The following IQANK1 variants were observed in gnomAD, a reference collection of about 807,000 sequenced individuals.
IQANK1 encodes the protein IQ motif and ankyrin repeat domain-containing protein 1.
IQANK1 carries 30 observed loss-of-function variants against 22.6 expected under a neutral mutation model. The ratio of observed to expected loss-of-function variants is 1.33; its 90% CI spans 0.99 to 1.80. The LOEUF is 1.80. Ranked by LOEUF, IQANK1 falls within the 40% of genes most tolerant of loss-of-function variation. The pLI, the probability that IQANK1 is intolerant of heterozygous loss-of-function variation, is 0.00. For missense variants in IQANK1, 275 were observed against 235.2 expected, an observed-to-expected ratio of 1.17 and a Z score of -1.11; for synonymous variants, 122 against 99.6, an observed-to-expected ratio of 1.23 and a Z score of -1.34.
intron 9 of IQANK1, 79 bp from the exon 10 acceptor site, chr8:143,789,357 C>A: frequency 1.3e-6 from 1 of 754,940 alleles, no homozygotes; most frequent in Non-Finnish European, 1.8e-6. Flanking sequence ...GGGAGGTGTC[C>A]TCAGGCCCCT....
chr8:143,751,088 G>A (rs1159321022), intron 3 of IQANK1, among the ~76,000 whole-genome samples: 1 of 151,898 alleles, frequency 6.6e-6, no homozygotes, highest in Non-Finnish European at 1.5e-5. Context: ...TCTCCAATTT[G>A]AATTTATACC....
intron 2 of IQANK1, among the ~76,000 whole-genome samples, chr8:143,736,257 A>C (rs1457346127): frequency 4.6e-5 from 7 of 151,276 alleles, no homozygotes; most frequent in Non-Finnish European, 8.8e-5. Flanking sequence ...CTTGTGCTTC[A>C]GCCTCCCGAG....
At chr8:143,779,218 CTTAT>C (rs1819748460) in intron 7 of IQANK1, among the ~76,000 whole-genome samples, 1 of 152,196 alleles carries the variant, frequency 6.6e-6, no homozygotes, top group Non-Finnish European at 1.5e-5. Context: ...TAATTATTCA[CTTAT>C]TTTTTATCTA....
chr8:143,763,510 C>T (rs1185073436), intron 3 of IQANK1, among the ~76,000 whole-genome samples: 2 of 152,040 alleles, frequency 1.3e-5, no homozygotes, highest in Non-Finnish European at 2.9e-5. Flanking sequence ...ATCATGGGGG[C>T]GGGTCTCTCA....
At chr8:143,778,075 G>A (rs1554630621) in intron 7 of IQANK1, among the ~76,000 whole-genome samples, 1 of 152,060 alleles carries the variant, frequency 6.6e-6, no homozygotes, top group African/African-American at 2.4e-5. Context: ...GGCGCCTGTA[G>A]TCCCAGCTAC....
chr8:143,734,426 C>T (rs1818665445), intron 1 of IQANK1, among the ~76,000 whole-genome samples: 2 of 150,466 alleles, frequency 1.3e-5, no homozygotes, highest in Admixed American at 1.3e-4. Context: ...CCCCATCTTT[C>T]TCCCTCACCC....
rs573229039 is a variant in IQANK1, at chr8:143,789,382, C to T, written c.994-54C>T. On this transcript the variant is annotated intron_variant, in intron 9 of 13. Coordinates refer to ENST00000527139, the MANE Select transcript of IQANK1 (RefSeq NM_001381874.1). ...CTCAGGCCCCTGGGCCAGGAGTGAC[C>T]TGGTCGGAGGATACTGGCCAGCCTT... The T allele has an allele frequency of 3.9e-6, 4 of 1,014,018 alleles. No individual in the cohort carries two copies. The African/African-American group carries it at 6.6e-5, about 17-fold the overall frequency. The allele number at this position is 1,014,018 out of a possible 1,614,324, so 62.8% of individuals were successfully genotyped here.
chr8:143,772,882 G>T (rs1450933996), intron 7 of IQANK1, among the ~76,000 whole-genome samples: 3 of 152,192 alleles, frequency 2.0e-5, no homozygotes, highest in Admixed American at 2.0e-4. Flanking sequence ...AGCTCACGGC[G>T]CTGGGGGCAG....
intron 3 of IQANK1, among the ~76,000 whole-genome samples, chr8:143,768,230 T>C (rs782673697): frequency 6.6e-6 from 1 of 151,938 alleles, no homozygotes; most frequent in African/African-American, 2.4e-5. Flanking sequence ...AGAAATGATG[T>C]TGTGTTTTTG....
At chr8:143,788,059 G>A (rs1458200599) in intron 7 of IQANK1, among the ~76,000 whole-genome samples, 2 of 152,032 alleles carry the variant, frequency 1.3e-5, no homozygotes, top group Non-Finnish European at 2.9e-5. Flanking sequence ...TGCCCCACCC[G>A]GCCCTTCTCA....
chr8:143,776,044 G>A (rs189499356), intron 7 of IQANK1, among the ~76,000 whole-genome samples: 2 of 147,552 alleles, frequency 1.4e-5, no homozygotes, highest in South Asian at 2.1e-4. Flanking sequence ...CCCAGCGGCC[G>A]GGCGCGGCGG....
At chr8:143,780,463 C>T (rs1345054797) in intron 7 of IQANK1, among the ~76,000 whole-genome samples, 2 of 152,052 alleles carry the variant, frequency 1.3e-5, no homozygotes, top group Admixed American at 6.6e-5. Flanking sequence ...TTTCTGCTCC[C>T]CTCCCTCCTC....
At chr8:143,768,350 T>C (rs1819515554) in intron 3 of IQANK1, among the ~76,000 whole-genome samples, 1 of 152,072 alleles carries the variant, frequency 6.6e-6, no homozygotes, top group African/African-American at 2.4e-5. Context: ...GCTTGTGACG[T>C]TGCCCTCGAT....
intron 3 of IQANK1, among the ~76,000 whole-genome samples, chr8:143,755,316 T>A (rs1014849280): frequency 6.6e-6 from 1 of 152,186 alleles, no homozygotes; most frequent in African/African-American, 2.4e-5. Context: ...AGTTCCTTAG[T>A]CCGCATCAAT....
At chr8:143,775,977 AAAG>A (rs1218271816) in intron 7 of IQANK1, among the ~76,000 whole-genome samples, 1 of 152,030 alleles carries the variant, frequency 6.6e-6, no homozygotes, top group East Asian at 1.9e-4. Flanking sequence ...AAACAAAGAG[AAAG>A]AGAAGGTTGA....
At chr8:143,783,528 C>T (rs568569822) in intron 7 of IQANK1, among the ~76,000 whole-genome samples, 1 of 152,282 alleles carries the variant, frequency 6.6e-6, no homozygotes, top group Non-Finnish European at 1.5e-5. Context: ...TTCTGTCTTA[C>T]TTGCCTTTTC....
At chr8:143,766,924 C>T (rs1020029098) in intron 3 of IQANK1, among the ~76,000 whole-genome samples, 1 of 152,204 alleles carries the variant, frequency 6.6e-6, no homozygotes, top group African/African-American at 2.4e-5. Context: ...TTGGACCCCA[C>T]CACTGACTGA....
At chr8:143,789,337 G>A in intron 9 of IQANK1, 94 bp downstream of exon 9, 1 of 544,548 alleles carries the variant, frequency 1.8e-6, no homozygotes, top group Non-Finnish European at 2.8e-6. Flanking sequence ...GCTGGGGGAA[G>A]AGCCAGGAGG....
rs1442886497 is a variant in IQANK1, at chr8:143,790,535, T to A, written c.1610T>A (p.Val537Asp). Residue 537 changes from valine (V) to aspartate (D), a missense_variant, in exon 14 of 14, where the codon GTC (valine) becomes GAC (aspartate). Coordinates refer to ENST00000527139, the MANE Select transcript of IQANK1 (RefSeq NM_001381874.1). ...TTCCGCCTCTTTTTCGTCACCAAGG[T>A]CCAGTGGCCGCCAGCTGAGCAGCTG... is the stretch of plus-strand genomic sequence containing the variant. ...EHFRLFFVTK[V>D]QWPPAEQLQV... The A allele has an allele frequency of 5.0e-6, 2 of 400,398 alleles. No individual in the cohort carries two copies. Among genetic ancestry groups the A allele is most frequent in the Admixed American group, 8.8e-5 (2 of 22,738 alleles). The allele number at this position is 400,398 out of a possible 1,614,324, so 24.8% of individuals were successfully genotyped here.
Sources: gnomAD v4.1 joint callset for allele counts (sites outside exome capture counted in the v4.1 genomes callset) on GRCh38, gnomAD v4.1.1 for gene constraint, MANE v1.5 for transcripts, NCBI Gene and HGNC (gene_info 2026-07-23, HGNC 2026-07-21) for gene names.